ZYG11B: variants seen among roughly 807,000 people sequenced by gnomAD.
ZYG11B encodes the protein protein zyg-11 homolog B.
A neutral mutation model predicts 82.4 loss-of-function variants in ZYG11B; 36 were observed. The ratio of observed to expected loss-of-function variants is 0.44; its 90% CI spans 0.33 to 0.58. The LOEUF (loss-of-function observed/expected upper bound fraction) is 0.58. Among genes scored for constraint, ZYG11B ranks in the 20% least tolerant of loss-of-function variants. The pLI, the probability that ZYG11B is intolerant of heterozygous loss-of-function variation, is 0.02. For missense variants in ZYG11B, 552 were observed against 895.6 expected, an observed-to-expected ratio of 0.62 and a Z score of 4.90; for synonymous variants, 303 against 312.8, an observed-to-expected ratio of 0.97 and a Z score of 0.33.
intron 13 of ZYG11B, among the ~76,000 whole-genome samples, chr1:52,817,811 ATATATT>A (rs1645246825): frequency 2.7e-5 from 1 of 36,974 alleles, no homozygotes; most frequent in African/African-American, 1.2e-4. Context: ...ATATATATAT[ATATATT>A]TTTTTTTTTT....
chr1:52,799,274 T>C (rs571667385), intron 8 of ZYG11B, among the ~76,000 whole-genome samples: 1 of 151,732 alleles, frequency 6.6e-6, no homozygotes, highest in African/African-American at 2.4e-5. Context: ...GATCACAAGG[T>C]CAGGAGATCG....
At chr1:52,782,603 T>C (rs1470506161) in intron 4 of ZYG11B, among the ~76,000 whole-genome samples, 1 of 151,562 alleles carries the variant, frequency 6.6e-6, no homozygotes, top group Non-Finnish European at 1.5e-5. Flanking sequence ...TTTGAGACAG[T>C]GCCTCACTCT....
At chr1:52,735,993 A>G (rs912494916) in intron 1 of ZYG11B, among the ~76,000 whole-genome samples, 2 of 152,180 alleles carry the variant, frequency 1.3e-5, no homozygotes, top group Non-Finnish European at 2.9e-5. Flanking sequence ...TAAGTCTAAC[A>G]TCTATTATGC....
In ZYG11B at chr1:52,816,555, T is replaced by A. The variant is rs1645225486; in HGVS notation, c.1970T>A (p.Leu657Ter). The A allele has an allele frequency of 6.2e-7, 1 of 1,612,532 alleles. No individual in the cohort carries two copies. The highest frequency in any genetic ancestry group is 1.3e-5 in the African/African-American group (1 of 74,804). ...AGGTCCTTTAATCCATTTTTCCCAT[T>A]ACTTGGCTGTTTCACAACACCAGGA... is the stretch of plus-strand genomic sequence containing the variant. Reference protein sequence around the residue: ...AYRSFNPFFPLLGCFTTPGVQ... With the variant: ...AYRSFNPFFP The change falls in exon 13 of 14, where the codon TTA becomes TAA. Residue 657 changes from leucine (L) to a stop codon, truncating the protein, a stop_gained. Coordinates refer to ENST00000294353, the MANE Select transcript of ZYG11B (RefSeq NM_024646.3). LOFTEE classifies it high-confidence loss of function.
chr1:52,820,713 TTAAAAAA>T lies in ZYG11B; in HGVS notation c.2045-725_2045-719del, dbSNP rs1403918078. 1.4e-4 allele frequency among the ~76,000 whole-genome samples: 17 copies of T among 120,940 alleles called. 1 individual carries two copies. The highest frequency in any genetic ancestry group is 5.3e-4 in the African/African-American group (15 of 28,390). 79.3% of individuals were successfully genotyped at this position (120,940 alleles called of 152,430 possible). ...CCTGGGCAACAGAATGAGACTGTCT[TTAAAAAA>T]AAAAAAAAAAAAAAAAAGGCTAATA... On this transcript the variant is annotated intron_variant, in intron 13 of 13. Coordinates refer to ENST00000294353, the MANE Select transcript of ZYG11B (RefSeq NM_024646.3).
chr1:52,797,421 T>TATATATTATATATA lies in ZYG11B; in HGVS notation c.1485+638_1485+639insTATATTATATATAA, dbSNP rs1558137802. Among the ~76,000 whole-genome samples the TATATATTATATATA allele has an allele frequency of 1.1e-4, 11 of 102,700 alleles. No individual in the cohort carries two copies. The East Asian group carries it at 1.3e-3, about 13-fold the overall frequency. The allele number at this position is 102,700 out of a possible 152,430, so 67.4% of individuals were successfully genotyped here. A position where few individuals can be genotyped will look rare whatever the true frequency, so the allele number is the denominator to read the frequency against. ...TATATGAAATATATATCATATATTA[T>TATATATTATATATA]ACATATTATATATAACATATATATT... On this transcript the variant is annotated intron_variant, in intron 8 of 13. Coordinates refer to ENST00000294353, the MANE Select transcript of ZYG11B (RefSeq NM_024646.3).
intron 5 of ZYG11B, among the ~76,000 whole-genome samples, chr1:52,787,385 TA>T (rs1644922389): frequency 6.6e-6 from 1 of 152,202 alleles, no homozygotes; most frequent in Admixed American, 6.5e-5. Flanking sequence ...CATGTTTTGA[TA>T]AAAAGCAAGG....
Position 52,756,474 on chromosome 1 carries a change from A to T in ZYG11B, c.47A>T (p.Tyr16Phe). The change falls in exon 2 of 14, where the codon TAT (tyrosine) becomes TTT (phenylalanine). Residue 16 changes from tyrosine (Y) to phenylalanine (F), a missense_variant. Physicochemically the swap from Tyr to Phe is conservative, Grantham distance 22. This residue lies in a region of ZYG11B where 359 missense variants were observed against 555.8 expected (regional missense o/e 0.65). Coordinates refer to ENST00000294353, the MANE Select transcript of ZYG11B (RefSeq NM_024646.3). ...AGAAMEEASP[Y>F]SLLDICLNFL... ...GGCTCCAAGGAGGAGGCGTCTCCCT[A>T]TTCCTTACTTGATATCTGCTTGAAT... is the stretch of plus-strand genomic sequence containing the variant. 1 of 1,613,874 alleles carries T rather than the reference A, an allele frequency of 6.2e-7. No individual in the cohort carries two copies. Among genetic ancestry groups the T allele is most frequent in the East Asian group, 2.2e-5 (1 of 44,872 alleles).
In ZYG11B at chr1:52,726,599, C is replaced by T. The variant is rs1644286141; in HGVS notation, c.-55C>T. ...GCCTCCTGGAGCCTCCGCGCCGGCTCAGCCTGGGGGCGGGCTCCGGTCCGG... is the reference window on the plus strand; with the variant it reads ...GCCTCCTGGAGCCTCCGCGCCGGCTTAGCCTGGGGGCGGGCTCCGGTCCGG... On this transcript the variant is annotated 5_prime_UTR_variant, in exon 1 of 14. Transcript: ENST00000294353. 1.5e-6 allele frequency: 2 copies of T among 1,376,108 alleles called. No homozygotes were observed. The highest frequency in any genetic ancestry group is 3.7e-5 in the Admixed American group (1 of 26,758). The allele number at this position is 1,376,108 out of a possible 1,614,324, so 85.2% of individuals were successfully genotyped here. A position where few individuals can be genotyped will look rare whatever the true frequency, so the allele number is the denominator to read the frequency against.
At chr1:52,743,210 A>G (rs10158058) in intron 1 of ZYG11B, among the ~76,000 whole-genome samples, 18,600 of 151,902 alleles carry the variant, frequency 0.12, 2,588 homozygotes, top group East Asian at 0.35. Flanking sequence ...TTCTGAGATT[A>G]GGGAGTCATC....
At chr1:52,792,410 CACTT>C (rs1242597455) in intron 6 of ZYG11B, among the ~76,000 whole-genome samples, 2 of 152,152 alleles carry the variant, frequency 1.3e-5, no homozygotes, top group African/African-American at 4.8e-5. Context: ...ATGTATGAAG[CACTT>C]ACTACTGCCA....
At chr1:52,808,649 A>C in intron 10 of ZYG11B, among the ~76,000 whole-genome samples, 1 of 152,132 alleles carries the variant, frequency 6.6e-6, no homozygotes, top group African/African-American at 2.4e-5. Context: ...TACAGGAGTA[A>C]GCCACTGTGA....
intron 1 of ZYG11B, among the ~76,000 whole-genome samples, chr1:52,751,686 C>T (rs1433014636): frequency 4.6e-5 from 7 of 152,018 alleles, no homozygotes; most frequent in East Asian, 1.9e-4. Flanking sequence ...GTTTCTTGCA[C>T]GTTAGCTCCC....
intron 2 of ZYG11B, among the ~76,000 whole-genome samples, chr1:52,768,870 A>G (rs1644722608): frequency 6.6e-6 from 1 of 152,190 alleles, no homozygotes; most frequent in African/African-American, 2.4e-5. Flanking sequence ...CTGGCATTAT[A>G]GGCATGAGCC....
intron 1 of ZYG11B, among the ~76,000 whole-genome samples, chr1:52,750,947 C>G (rs1644517332): frequency 6.6e-6 from 1 of 152,132 alleles, no homozygotes; most frequent in Non-Finnish European, 1.5e-5. Flanking sequence ...ATCAGCATTC[C>G]TGTTTTGCTA....
chr1:52,796,331 C>T lies in ZYG11B; in HGVS notation c.1374C>T (p.Asn458=). 1 of 1,613,870 alleles carries T rather than the reference C, an allele frequency of 6.2e-7. No individual in the cohort carries two copies. The highest frequency in any genetic ancestry group is 1.6e-4 in the Middle Eastern group (1 of 6,062). ...AGCTTGTCATGCAGTGGCTTTGCAA[C>T]CATGAGGATCAAAACATGCAAAGGA... ...AAKLVMQWLC[N]HEDQNMQRMA... The change falls in exon 7 of 14, where the codon AAC becomes AAT. Residue 458 remains asparagine (N), a synonymous_variant. Coordinates refer to ENST00000294353, the MANE Select transcript of ZYG11B (RefSeq NM_024646.3).
chr1:52,803,494 A>G (rs1645116052), intron 10 of ZYG11B, among the ~76,000 whole-genome samples: 1 of 149,522 alleles, frequency 6.7e-6, no homozygotes, highest in African/African-American at 2.4e-5. Context: ...GTATATATAT[A>G]TTTATATATA....
chr1:52,739,642 G>T (rs377437609), intron 1 of ZYG11B, among the ~76,000 whole-genome samples: 2 of 141,492 alleles, frequency 1.4e-5, no homozygotes, highest in Non-Finnish European at 3.2e-5. Flanking sequence ...GTTTTTTTTT[G>T]AGAGAGTCTC....
intron 8 of ZYG11B, among the ~76,000 whole-genome samples, chr1:52,801,280 A>G (rs566238029): frequency 6.6e-6 from 1 of 151,510 alleles, no homozygotes; most frequent in East Asian, 1.9e-4. Flanking sequence ...TATTGTATGT[A>G]GTTTTTCCTT....
Sources: allele counts gnomAD v4.1 joint callset (sites outside exome capture counted in the v4.1 genomes callset), GRCh38; gene constraint gnomAD v4.1.1; regional missense constraint gnomAD v4.1.1; transcripts MANE v1.5; gene names NCBI Gene and HGNC (gene_info 2026-07-23, HGNC 2026-07-21).